The following ELMOD1 variants were observed in gnomAD, a reference collection of about 807,000 sequenced individuals.
ELMOD1 encodes ELMO domain-containing protein 1.
Under a neutral mutation model 46.7 loss-of-function variants are expected in ELMOD1, and 21 were observed. That is an observed-to-expected ratio of 0.45 (90% CI 0.32 to 0.65). The LOEUF is 0.65. ELMOD1 is among the 30% of genes least tolerant of loss of function. ELMOD1 has a pLI of 0.04. For missense variants in ELMOD1, 348 were observed against 407.8 expected, an observed-to-expected ratio of 0.85 and a Z score of 1.26; for synonymous variants, 122 against 138.2, an observed-to-expected ratio of 0.88 and a Z score of 0.82.
intron 2 of ELMOD1, among the ~76,000 whole-genome samples, chr11:107,628,979 G>C (rs918013068): frequency 6.6e-6 from 1 of 151,776 alleles, no homozygotes; most frequent in Admixed American, 6.6e-5. Flanking sequence ...TTTTCTACTT[G>C]ATAAACATAT....
intron 1 of ELMOD1, among the ~76,000 whole-genome samples, chr11:107,613,033 A>C (rs1865805511): frequency 6.6e-6 from 1 of 152,118 alleles, no homozygotes; most frequent in Non-Finnish European, 1.5e-5. Flanking sequence ...CAGCAAGTCC[A>C]GTTGATTCTA....
chr11:107,593,918 G>A (rs1306520912), intron 1 of ELMOD1, among the ~76,000 whole-genome samples: 1 of 152,146 alleles, frequency 6.6e-6, no homozygotes, highest in African/African-American at 2.4e-5. Flanking sequence ...AGACAATCTG[G>A]GACAAGCTCA....
In ELMOD1 at chr11:107,654,163, TC is replaced by T; in HGVS notation, c.648-7del. 4.4e-6 allele frequency: 7 copies of T among 1,575,288 alleles called. No individual in the cohort carries two copies. The highest frequency in any genetic ancestry group is 6.0e-6 in the Non-Finnish European group (7 of 1,159,070). On this transcript the variant is annotated splice_polypyrimidine_tract_variant and splice_region_variant and intron_variant, in intron 9 of 11. Coordinates refer to ENST00000265840, the MANE Select transcript of ELMOD1 (RefSeq NM_018712.4). Reference sequence around the variant, plus strand: ...TCTGACTTACTTACTTATTCATTCATCCATTCAGCAAATTCAGCAAAGCAGA... The same window carrying T: ...TCTGACTTACTTACTTATTCATTCATCATTCAGCAAATTCAGCAAAGCAGA...
At chr11:107,600,150 C>T (rs1046771298) in intron 1 of ELMOD1, among the ~76,000 whole-genome samples, 3 of 151,984 alleles carry the variant, frequency 2.0e-5, no homozygotes, top group African/African-American at 7.2e-5. Flanking sequence ...GATCTCTAAC[C>T]CTACCCTCTA....
At chr11:107,591,626 ATCCTG>A (rs1865393191) in intron 1 of ELMOD1, 3 of 358,172 alleles carry the variant, frequency 8.4e-6, no homozygotes, top group Non-Finnish European at 1.7e-5. Context: ...TTCCCCTTCT[ATCCTG>A]TCCTCCCAAT....
intron 1 of ELMOD1, chr11:107,591,875 C>T (rs745817862): frequency 2.7e-5 from 13 of 485,182 alleles, no homozygotes; most frequent in Non-Finnish European, 3.4e-5. Flanking sequence ...GGCTGCGGGG[C>T]CGCCGGACTG....
At position 107,639,419 on chromosome 11, in the gene ELMOD1, C is replaced by T. The variant is rs553504699; in HGVS notation, c.420+3654C>T. Among the ~76,000 whole-genome samples, 8 of 152,154 alleles carry T rather than the reference C, an allele frequency of 5.3e-5. No individual in the cohort carries two copies. In the East Asian group the frequency reaches 1.5e-3, roughly 29 times the overall value. On this transcript the variant is annotated intron_variant, in intron 6 of 11. Transcript: ENST00000265840. Reference sequence around the variant, plus strand: ...ATAGACATTTCTATTAAAAGTATTCCAACCAAATTCATAATGAAGACAAAA... The same window carrying T: ...ATAGACATTTCTATTAAAAGTATTCTAACCAAATTCATAATGAAGACAAAA...
rs778791671 is a variant in ELMOD1, at chr11:107,665,225, C to A, written c.*28C>A. On this transcript the variant is annotated 3_prime_UTR_variant, in exon 12 of 12. Coordinates refer to ENST00000265840, the MANE Select transcript of ELMOD1 (RefSeq NM_018712.4). The stretch of plus-strand genomic sequence containing the variant: ...GCCCACGCCGGTTTTAATGGATACC[C>A]TGGAACACTGCCTCATTGTCTTGTT... 26 of 1,606,050 alleles carry A rather than the reference C, an allele frequency of 1.6e-5. No homozygotes were observed. The highest frequency in any genetic ancestry group is 2.0e-5 in the Non-Finnish European group (24 of 1,174,966).
At chr11:107,643,825 C>T (rs1354565960) in intron 6 of ELMOD1, 3 of 305,034 alleles carry the variant, frequency 9.8e-6, no homozygotes, top group Non-Finnish European at 2.0e-5. Context: ...AGGCCAGGTG[C>T]CCAGCCTGGT....
chr11:107,623,128 C>A (rs954831525), intron 2 of ELMOD1, among the ~76,000 whole-genome samples: 3 of 151,674 alleles, frequency 2.0e-5, no homozygotes, highest in African/African-American at 7.3e-5. Context: ...CTCCCCGATT[C>A]CCCCACCCCA....
At chr11:107,659,704 TGGA>T in intron 11 of ELMOD1, among the ~76,000 whole-genome samples, 2 of 149,966 alleles carry the variant, frequency 1.3e-5, no homozygotes, top group African/African-American at 2.5e-5. Context: ...GATGGATGGA[TGGA>T]TGGCTAAAAT....
At chr11:107,618,026 C>T in intron 1 of ELMOD1, 79 bp from the exon 2 acceptor site, 1 of 706,564 alleles carries the variant, frequency 1.4e-6, no homozygotes, top group Non-Finnish European at 2.5e-6. Context: ...TAACTGCTTG[C>T]CTCAGTAAGC....
At chr11:107,620,924 T>C (rs1865936987) in intron 2 of ELMOD1, among the ~76,000 whole-genome samples, 1 of 152,096 alleles carries the variant, frequency 6.6e-6, no homozygotes, top group Non-Finnish European at 1.5e-5. Context: ...TAACAAAACA[T>C]ATCTACATGT....
At chr11:107,606,615 G>A (rs1865689022) in intron 1 of ELMOD1, among the ~76,000 whole-genome samples, 2 of 152,244 alleles carry the variant, frequency 1.3e-5, no homozygotes, top group Admixed American at 6.5e-5. Flanking sequence ...CGGGTGGATC[G>A]CTTGAGGTCA....
At chr11:107,599,247 A>G (rs1273577153) in intron 1 of ELMOD1, among the ~76,000 whole-genome samples, 1 of 152,162 alleles carries the variant, frequency 6.6e-6, no homozygotes, top group African/African-American at 2.4e-5. Context: ...TAAATACTGC[A>G]TTTCATCCAT....
intron 2 of ELMOD1, among the ~76,000 whole-genome samples, chr11:107,628,150 A>C (rs1866074444): frequency 6.6e-6 from 1 of 150,972 alleles, no homozygotes; most frequent in Admixed American, 6.6e-5. Flanking sequence ...CAAGAGAGCA[A>C]GCTGAGGGGT....
intron 1 of ELMOD1, among the ~76,000 whole-genome samples, chr11:107,605,907 A>G (rs1054456161): frequency 6.6e-6 from 1 of 152,340 alleles, no homozygotes; most frequent in African/African-American, 2.4e-5. Context: ...AAGATTTTTC[A>G]TTTGTATGTG....
At chr11:107,604,103 C>T (rs1865649156) in intron 1 of ELMOD1, among the ~76,000 whole-genome samples, 1 of 152,158 alleles carries the variant, frequency 6.6e-6, no homozygotes, top group Non-Finnish European at 1.5e-5. Context: ...TACTTACTCA[C>T]CCACCCTTTG....
At chr11:107,644,229 G>A (rs1430722923) in intron 6 of ELMOD1, among the ~76,000 whole-genome samples, 1 of 151,888 alleles carries the variant, frequency 6.6e-6, no homozygotes, top group Admixed American at 6.5e-5. Flanking sequence ...CCAGGAAGCA[G>A]AGGTTGCAGT....
Sources: gnomAD v4.1 joint callset for allele counts (sites outside exome capture counted in the v4.1 genomes callset) on GRCh38, gnomAD v4.1.1 for gene constraint, MANE v1.5 for transcripts, NCBI Gene and HGNC (gene_info 2026-07-23, HGNC 2026-07-21) for gene names.